TMEM117: variants seen among roughly 807,000 people sequenced by gnomAD.
The protein encoded by TMEM117 is transmembrane protein 117.
Under a neutral mutation model 52.4 loss-of-function variants are expected in TMEM117, and 27 were observed. The ratio of observed to expected loss-of-function variants is 0.51; its 90% CI spans 0.38 to 0.71. TMEM117 has a LOEUF of 0.71. TMEM117 is among the 30% of genes least tolerant of loss of function. The pLI, the probability that TMEM117 is intolerant of heterozygous loss-of-function variation, is 0.00. For synonymous variants in TMEM117, 215 were observed against 206.3 expected, an observed-to-expected ratio of 1.04 and a Z score of -0.36; for missense variants, 556 against 630.5, an observed-to-expected ratio of 0.88 and a Z score of 1.26.
chr12:44,007,731 A>G (rs941746445), intron 3 of TMEM117, among the ~76,000 whole-genome samples: 1 of 152,030 alleles, frequency 6.6e-6, no homozygotes, highest in African/African-American at 2.4e-5. Flanking sequence ...GGGGGCTAGT[A>G]TTTCTGGTGC....
chr12:43,935,150 A>G (rs1434091064), intron 2 of TMEM117, among the ~76,000 whole-genome samples: 1 of 152,160 alleles, frequency 6.6e-6, no homozygotes, highest in Non-Finnish European at 1.5e-5. Context: ...CTGGGACTAC[A>G]GGTGCTCCAC....
intron 3 of TMEM117, among the ~76,000 whole-genome samples, chr12:44,115,828 T>G (rs1358376296): frequency 2.0e-5 from 3 of 152,204 alleles, no homozygotes; most frequent in Non-Finnish European, 4.4e-5. Flanking sequence ...AATAGAGAAA[T>G]CAGGTCTTTA....
At chr12:44,209,330 A>T (rs946868130) in intron 4 of TMEM117, among the ~76,000 whole-genome samples, 1 of 152,110 alleles carries the variant, frequency 6.6e-6, no homozygotes, top group African/African-American at 2.4e-5. Context: ...TCCTTTTGAT[A>T]AGTATCATGA....
chr12:43,884,580 G>A (rs536019648), intron 2 of TMEM117, among the ~76,000 whole-genome samples: 1 of 152,224 alleles, frequency 6.6e-6, no homozygotes, highest in African/African-American at 2.4e-5. Context: ...TGGTAGGGAA[G>A]GATTCATTTA....
intron 5 of TMEM117, among the ~76,000 whole-genome samples, chr12:44,241,787 T>G (rs1288942417): frequency 6.6e-6 from 1 of 152,002 alleles, no homozygotes; most frequent in Non-Finnish European, 1.5e-5. Context: ...TGATATATCA[T>G]TGGCATTATA....
At chr12:43,980,704 G>T (rs1945746577) in intron 3 of TMEM117, among the ~76,000 whole-genome samples, 2 of 152,124 alleles carry the variant, frequency 1.3e-5, no homozygotes, top group Admixed American at 1.3e-4. Flanking sequence ...CACCTGCCAA[G>T]TCTGTCCTGC....
At chr12:43,856,282 G>A (rs1463277364) in intron 2 of TMEM117, among the ~76,000 whole-genome samples, 3 of 152,128 alleles carry the variant, frequency 2.0e-5, no homozygotes, top group East Asian at 3.8e-4. Context: ...TTAATGTTGT[G>A]TCACCATCTT....
At chr12:43,975,617 T>C (rs1028136667) in intron 3 of TMEM117, among the ~76,000 whole-genome samples, 1 of 152,194 alleles carries the variant, frequency 6.6e-6, no homozygotes, top group Non-Finnish European at 1.5e-5. Flanking sequence ...GGAGTTTTCC[T>C]AGGTATAAAG....
intron 3 of TMEM117, among the ~76,000 whole-genome samples, chr12:43,997,648 A>G (rs1236683754): frequency 6.6e-6 from 1 of 152,188 alleles, no homozygotes; most frequent in Admixed American, 6.5e-5. Flanking sequence ...CATCATTACC[A>G]TTGTCACTGG....
At chr12:44,325,346 A>C (rs1951181685) in intron 6 of TMEM117, among the ~76,000 whole-genome samples, 1 of 152,116 alleles carries the variant, frequency 6.6e-6, no homozygotes, top group African/African-American at 2.4e-5. Flanking sequence ...ATTCTCCCTT[A>C]TTATCAGGTT....
At chr12:44,325,337 T>C (rs954602642) in intron 6 of TMEM117, among the ~76,000 whole-genome samples, 35 of 152,150 alleles carry the variant, frequency 2.3e-4, no homozygotes, top group Non-Finnish European at 1.5e-5. Flanking sequence ...GCCATTCATA[T>C]TCTCCCTTAT....
At chr12:43,837,198 A>C (rs1330265913) in intron 1 of TMEM117, among the ~76,000 whole-genome samples, 1 of 152,212 alleles carries the variant, frequency 6.6e-6, no homozygotes, top group Non-Finnish European at 1.5e-5. Context: ...TGTGATGAGA[A>C]ACTGGCTCTT....
intron 2 of TMEM117, among the ~76,000 whole-genome samples, chr12:43,865,652 G>A (rs865794940): frequency 2.0e-5 from 3 of 150,924 alleles, no homozygotes; most frequent in Middle Eastern, 6.9e-3. Flanking sequence ...AGCTGATATC[G>A]CACCACTGCA....
chr12:43,813,424 T>C, the TMEM117 span, among the ~76,000 whole-genome samples: 1 of 151,714 alleles, frequency 6.6e-6, no homozygotes, highest in East Asian at 1.9e-4. Context: ...TTGTATTTTT[T>C]AGTAGAGACA....
rs572858720 is a variant in TMEM117, at chr12:44,090,082, A to T, written c.411-53443A>T. Among the ~76,000 whole-genome samples the T allele has an allele frequency of 1.4e-4, 21 of 152,200 alleles. No homozygotes were observed. The South Asian group carries it at 4.3e-3, about 32-fold the overall frequency. ...TAAATTTCATGAAGACAACCATAGC[A>T]TTTTTTCTATTCCACACATCAATTC... On this transcript the variant is annotated intron_variant, in intron 3 of 7. Coordinates refer to ENST00000266534, the MANE Select transcript of TMEM117 (RefSeq NM_032256.3).
chr12:44,152,360 GTAT>G lies in TMEM117; in HGVS notation c.510+8740_510+8742del, dbSNP rs1049146190. Among the ~76,000 whole-genome samples the G allele has an allele frequency of 6.2e-5, 6 of 96,374 alleles. No homozygotes were observed. In the Admixed American group the frequency reaches 8.0e-4, roughly 13 times the overall value. The allele number at this position is 96,374 out of a possible 152,430, so 63.2% of individuals were successfully genotyped here. On this transcript the variant is annotated intron_variant, in intron 4 of 7. Coordinates refer to ENST00000266534, the MANE Select transcript of TMEM117 (RefSeq NM_032256.3). ...TATATATAAATTTATATATTTATAT[GTAT>G]TATATCATATATAAATTTATATATT...
In TMEM117 at chr12:44,389,459, A is replaced by G. The variant is rs534937168; in HGVS notation, c.*787A>G. ...TGGGCGAACTCTCAAATTTATTGGC[A>G]TTTACACAAAGTCCCAGACAACCAA... On this transcript the variant is annotated 3_prime_UTR_variant, in exon 8 of 8. Transcript: ENST00000266534. 6 of 152,674 alleles carry G rather than the reference A, an allele frequency of 3.9e-5. No individual in the cohort carries two copies. The South Asian group carries it at 8.3e-4, about 21-fold the overall frequency. 9.5% of individuals were successfully genotyped at this position (152,674 alleles called of 1,614,324 possible).
At chr12:44,004,021 A>G (rs551637160) in intron 3 of TMEM117, among the ~76,000 whole-genome samples, 43 of 152,276 alleles carry the variant, frequency 2.8e-4, no homozygotes, top group Admixed American at 2.6e-3. Flanking sequence ...GAGCCCTTGT[A>G]CTCAAATAAT....
intron 3 of TMEM117, among the ~76,000 whole-genome samples, chr12:44,024,948 T>G (rs1339135212): frequency 6.6e-6 from 1 of 151,988 alleles, no homozygotes; most frequent in Non-Finnish European, 1.5e-5. Context: ...TATTCCTAAG[T>G]GTAGGAAGGT....
Sources: gnomAD v4.1 joint callset for allele counts (sites outside exome capture counted in the v4.1 genomes callset) on GRCh38, gnomAD v4.1.1 for gene constraint, MANE v1.5 for transcripts, NCBI Gene and HGNC (gene_info 2026-07-23, HGNC 2026-07-21) for gene names.